The following PLCE1 variants were observed in gnomAD, a reference collection of about 807,000 sequenced individuals.
The protein encoded by PLCE1 is 1-phosphatidylinositol 4,5-bisphosphate phosphodiesterase epsilon-1.
Under a neutral mutation model 242.8 loss-of-function variants are expected in PLCE1, and 119 were observed. The ratio of observed to expected loss-of-function variants is 0.49; its 90% CI spans 0.42 to 0.57. PLCE1 has a LOEUF of 0.57. Among genes scored for constraint, PLCE1 ranks in the 20% least tolerant of loss-of-function variants. The probability of loss-of-function intolerance (pLI) is 0.00; values close to 1 mark genes in which losing one functional copy is unlikely to be tolerated. For synonymous variants in PLCE1, 945 were observed against 1,017.4 expected, an observed-to-expected ratio of 0.93 and a Z score of 1.35; for missense variants, 2,441 against 2,788.8, an observed-to-expected ratio of 0.88 and a Z score of 2.81.
At chr10:94,078,761 G>T (rs1370151485) in intron 2 of PLCE1, among the ~76,000 whole-genome samples, 1 of 152,192 alleles carries the variant, frequency 6.6e-6, no homozygotes, top group Non-Finnish European at 1.5e-5. Context: ...GGGATTACAG[G>T]CGTGAGCCAC....
At chr10:94,209,233 T>C (rs1422163667) in intron 4 of PLCE1, among the ~76,000 whole-genome samples, 2 of 152,236 alleles carry the variant, frequency 1.3e-5, no homozygotes, top group Non-Finnish European at 1.5e-5. Context: ...GTTTATGTGC[T>C]ACAGGTGTTG....
intron 23 of PLCE1, among the ~76,000 whole-genome samples, chr10:94,296,234 C>T (rs949636178): frequency 1.8e-4 from 28 of 151,772 alleles, no homozygotes; most frequent in Non-Finnish European, 2.9e-5. Context: ...GGCATGGTGG[C>T]GGGTGCCTGT....
chr10:94,149,833 G>A (rs960679733), intron 3 of PLCE1, among the ~76,000 whole-genome samples: 1 of 152,208 alleles, frequency 6.6e-6, no homozygotes, highest in African/African-American at 2.4e-5. Flanking sequence ...TCTTCCTTCA[G>A]AGACAGCAGG....
At chr10:94,237,036 C>T (rs553607084) in intron 7 of PLCE1, among the ~76,000 whole-genome samples, 10 of 152,230 alleles carry the variant, frequency 6.6e-5, no homozygotes, top group African/African-American at 2.4e-4. Context: ...AAATTTTGTT[C>T]TGAGATTCCT....
chr10:94,316,676 G>A lies in PLCE1; in HGVS notation c.6262G>A (p.Glu2088Lys), dbSNP rs2053586288. The A allele has an allele frequency of 6.2e-7, 1 of 1,613,994 alleles. No individual in the cohort carries two copies. Among genetic ancestry groups the A allele is most frequent in the South Asian group, 1.1e-5 (1 of 91,072 alleles). The part of the protein sequence containing the change: ...QPFQRAIGPE[E>K]EIMQILSSWF... ...ATTCCAGAGAGCCATTGGTCCAGAA[G>A]AGGAGATCATGCAAATTTTAAGCAG... Residue 2088 changes from glutamate to lysine, a missense_variant, in exon 29 of 33, where the codon GAG becomes AAG. By Grantham distance (56) the Glu-to-Lys change is moderately conservative. This residue lies in a region of PLCE1 where 310 missense variants were observed against 317.2 expected (regional missense o/e 0.98). Transcript: ENST00000371380.
intron 3 of PLCE1, among the ~76,000 whole-genome samples, chr10:94,152,297 C>T (rs759249299): frequency 1.3e-5 from 2 of 152,184 alleles, no homozygotes; most frequent in South Asian, 2.1e-4. Flanking sequence ...AGTTCCTATA[C>T]GACCTTGTTT....
chr10:94,251,020 T>C (rs1261668440), intron 8 of PLCE1, among the ~76,000 whole-genome samples: 2 of 152,116 alleles, frequency 1.3e-5, no homozygotes, highest in African/African-American at 4.8e-5. Context: ...AGAACCCTGC[T>C]CCAGGAAGGG....
At chr10:94,094,193 G>A (rs1376259852) in intron 2 of PLCE1, among the ~76,000 whole-genome samples, 1 of 148,668 alleles carries the variant, frequency 6.7e-6, no homozygotes, top group Non-Finnish European at 1.5e-5. Context: ...CGCCCGCCTC[G>A]GCCTCCCAAA....
At chr10:94,036,452 C>G (rs1221035419) in intron 2 of PLCE1, among the ~76,000 whole-genome samples, 1 of 151,990 alleles carries the variant, frequency 6.6e-6, no homozygotes, top group Non-Finnish European at 1.5e-5. Flanking sequence ...TCTTGGATAC[C>G]TTGGTCAGAA....
rs1158524137 is a variant in PLCE1, at chr10:94,258,982, T to C, written c.3678-32T>C. ...GGCCCCCCCATTTCTATAAAGATAC[T>C]CAATGAGAGGTGTTTTCCATTCCTC... On this transcript the variant is annotated intron_variant, in intron 12 of 32. Coordinates refer to ENST00000371380, the MANE Select transcript of PLCE1 (RefSeq NM_016341.4). 2.5e-6 allele frequency: 4 copies of C among 1,614,070 alleles called. No homozygotes were observed. The East Asian group carries it at 8.9e-5, about 36-fold the overall frequency.
At chr10:94,142,270 A>C (rs1449490977) in intron 3 of PLCE1, among the ~76,000 whole-genome samples, 3 of 150,790 alleles carry the variant, frequency 2.0e-5, no homozygotes, top group Non-Finnish European at 4.4e-5. Context: ...TAATCTCTGT[A>C]CTCTGGGAGG....
intron 3 of PLCE1, among the ~76,000 whole-genome samples, chr10:94,152,257 A>C (rs540102588): frequency 6.6e-6 from 1 of 152,358 alleles, no homozygotes; most frequent in East Asian, 1.9e-4. Context: ...TAGCTTAAAA[A>C]ATTATTAACT....
chr10:94,322,174 C>T, intron 30 of PLCE1, 115 bp downstream of exon 30: 2 of 968,834 alleles, frequency 2.1e-6, no homozygotes, highest in Middle Eastern at 2.1e-4. Flanking sequence ...ACAGGGACCT[C>T]AAAGGGGAGT....
At chr10:94,283,380 T>C in intron 20 of PLCE1, 1 of 241,212 alleles carries the variant, frequency 4.1e-6, no homozygotes, top group South Asian at 5.3e-5. Context: ...GTCAATCATG[T>C]ATGTACCTTC....
chr10:94,032,311 A>C, intron 2 of PLCE1, 59 bp downstream of exon 2: 1 of 1,513,570 alleles, frequency 6.6e-7, no homozygotes, highest in Non-Finnish European at 9.1e-7. Context: ...TTCAAAAAAA[A>C]GTCCAAATTT....
At chr10:94,154,793 CT>C (rs1564738327) in intron 3 of PLCE1, among the ~76,000 whole-genome samples, 2 of 151,596 alleles carry the variant, frequency 1.3e-5, no homozygotes. Context: ...AATCTCAACA[CT>C]TTAGGAGGCC....
chr10:94,225,831 T>C (rs1444062626), intron 4 of PLCE1, among the ~76,000 whole-genome samples: 1 of 152,252 alleles, frequency 6.6e-6, no homozygotes, highest in Admixed American at 6.5e-5. Context: ...TTAATTCTTA[T>C]CATTTTATCC....
At chr10:94,207,904 CAATT>C (rs755985462) in intron 4 of PLCE1, among the ~76,000 whole-genome samples, 102 of 151,900 alleles carry the variant, frequency 6.7e-4, no homozygotes, top group South Asian at 1.9e-3. Context: ...TTGACTACGC[CAATT>C]TAAATGAATA....
chr10:94,175,660 AT>A, intron 4 of PLCE1, among the ~76,000 whole-genome samples: 1 of 151,814 alleles, frequency 6.6e-6, no homozygotes, highest in East Asian at 1.9e-4. Context: ...TAGATCTTAC[AT>A]TTTTTTCTGA....
Sources: allele counts gnomAD v4.1 joint callset (sites outside exome capture counted in the v4.1 genomes callset), GRCh38; gene constraint gnomAD v4.1.1; regional missense constraint gnomAD v4.1.1; transcripts MANE v1.5; gene names NCBI Gene and HGNC (gene_info 2026-07-23, HGNC 2026-07-21).